NPSR1: variants seen among roughly 807,000 people sequenced by gnomAD.
The protein encoded by NPSR1 is neuropeptide S receptor.
NPSR1 carries 48 observed loss-of-function variants against 46.9 expected under a neutral mutation model. The observed-to-expected ratio is 1.02, with a 90% CI of 0.81 to 1.30. NPSR1 has a LOEUF of 1.30. NPSR1 is among the 50% of genes most tolerant of loss of function. The pLI, the probability that NPSR1 is intolerant of heterozygous loss-of-function variation, is 0.00. For missense variants in NPSR1, 450 were observed against 449.5 expected (o/e 1.00, Z -0.01); for synonymous variants, 176 against 168.1 (o/e 1.05, Z -0.36).
At chr7:34,693,809 G>A (rs1168551912) in intron 2 of NPSR1, among the ~76,000 whole-genome samples, 1 of 152,128 alleles carries the variant, frequency 6.6e-6, no homozygotes, top group Non-Finnish European at 1.5e-5. Flanking sequence ...TCACAATCAA[G>A]TGAGTTTTAT....
chr7:34,878,015 T>C (rs189659384), intron 8 of NPSR1: 3 of 942,374 alleles, frequency 3.2e-6, no homozygotes, highest in African/African-American at 3.3e-5. Context: ...ATTCCTTCCT[T>C]TTATGCAAAT....
intron 6 of NPSR1, among the ~76,000 whole-genome samples, chr7:34,834,918 G>T (rs1411471837): frequency 6.6e-6 from 1 of 152,230 alleles, no homozygotes. Context: ...GCCAGTAAAG[G>T]CACGGTAGTC....
Position 34,812,811 on chromosome 7 carries a change from G to T in NPSR1, c.478+948G>T, listed in dbSNP as rs144039673. 4.1e-4 allele frequency among the ~76,000 whole-genome samples: 63 copies of T among 152,242 alleles called. No individual in the cohort carries two copies. In the East Asian group the frequency reaches 0.011, roughly 28 times the overall value. On this transcript the variant is annotated intron_variant, in intron 4 of 8. Coordinates refer to ENST00000360581, the MANE Select transcript of NPSR1 (RefSeq NM_207172.2). ...AACAAAAAATCTTGACCACAAAAAT[G>T]AGTGCAATCAAATATTATTTAAAAA...
intron 8 of NPSR1, 70 bp from the exon 9 acceptor site, chr7:34,849,495 T>C: frequency 1.2e-6 from 2 of 1,604,706 alleles, no homozygotes; most frequent in Middle Eastern, 1.7e-4. Context: ...CTATTGTCTC[T>C]TAACATGTCT....
At chr7:34,815,007 TCTC>T (rs1275442186) in intron 4 of NPSR1, among the ~76,000 whole-genome samples, 2 of 152,066 alleles carry the variant, frequency 1.3e-5, no homozygotes. Flanking sequence ...GAGCGCCTCT[TCTC>T]CTCCAAAGGA....
At chr7:34,759,495 T>C (rs1786048998) in intron 2 of NPSR1, among the ~76,000 whole-genome samples, 1 of 152,176 alleles carries the variant, frequency 6.6e-6, no homozygotes, top group African/African-American at 2.4e-5. Flanking sequence ...GTGTTTCTGT[T>C]GACATGTTTC....
chr7:34,702,624 G>A (rs778074453), intron 2 of NPSR1, among the ~76,000 whole-genome samples: 1 of 152,226 alleles, frequency 6.6e-6, no homozygotes, highest in Non-Finnish European at 1.5e-5. Context: ...ATAGGCTGCA[G>A]TGATCCATTG....
intron 2 of NPSR1, among the ~76,000 whole-genome samples, chr7:34,716,543 A>C (rs1783579680): frequency 6.6e-6 from 1 of 152,200 alleles, no homozygotes; most frequent in African/African-American, 2.4e-5. Context: ...TGTCAAATAG[A>C]GATAAAAGCA....
At chr7:34,790,839 A>ATATATATGTTATATGTTATGT (rs1562729614) in intron 3 of NPSR1, among the ~76,000 whole-genome samples, 7 of 125,922 alleles carry the variant, frequency 5.6e-5, no homozygotes, top group African/African-American at 2.0e-4. Flanking sequence ...ATGTTATGTT[A>ATATATATGTTATATGTTATGT]TATATATGTT....
downstream of NPSR1, among the ~76,000 whole-genome samples, chr7:34,853,383 G>A (rs767633523): frequency 4.6e-5 from 7 of 152,178 alleles, no homozygotes; most frequent in Non-Finnish European, 8.8e-5. Flanking sequence ...ATCGACTAGT[G>A]TCCCCTGAAG....
At chr7:34,839,000 T>C (rs1790477231) in intron 6 of NPSR1, among the ~76,000 whole-genome samples, 1 of 152,196 alleles carries the variant, frequency 6.6e-6, no homozygotes, top group Non-Finnish European at 1.5e-5. Flanking sequence ...AAATGAGGCA[T>C]ACTAGAGTGA....
intron 2 of NPSR1, among the ~76,000 whole-genome samples, chr7:34,713,895 T>C (rs2128703650): frequency 6.6e-6 from 1 of 152,370 alleles, no homozygotes; most frequent in East Asian, 1.9e-4. Flanking sequence ...GGGAACATCA[T>C]TCACATGAAC....
chr7:34,844,436 GTTTT>G (rs1213358904), intron 6 of NPSR1, among the ~76,000 whole-genome samples: 2 of 151,580 alleles, frequency 1.3e-5, no homozygotes, highest in Non-Finnish European at 2.9e-5. Flanking sequence ...TCTTGAGAGC[GTTTT>G]TTTGTTTTTG....
intron 2 of NPSR1, among the ~76,000 whole-genome samples, chr7:34,743,496 A>G (rs1438476614): frequency 1.3e-5 from 2 of 150,642 alleles, no homozygotes; most frequent in East Asian, 1.9e-4. Flanking sequence ...GCTGGCGTGC[A>G]GTGGCATGAT....
At position 34,803,050 on chromosome 7, in the gene NPSR1, T is replaced by G. The variant is rs1788499486; in HGVS notation, c.385-8720T>G. ...TCACACCAGTTAGAATGGCAATCAT[T>G]AAAAAGTCAGGAAACAACAGGTGCT... On this transcript the variant is annotated intron_variant, in intron 3 of 8. Transcript: ENST00000360581. Among the ~76,000 whole-genome samples, 2 of 149,798 alleles carry G rather than the reference T, an allele frequency of 1.3e-5. 1 individual carries two copies. The highest frequency in any genetic ancestry group is 5.1e-5 in the African/African-American group (2 of 39,328).
intron 3 of NPSR1, among the ~76,000 whole-genome samples, chr7:34,810,921 G>A (rs1353102818): frequency 6.6e-6 from 1 of 152,290 alleles, no homozygotes; most frequent in East Asian, 1.9e-4. Flanking sequence ...CACAGGACAT[G>A]GGACAGGGGT....
chr7:34,739,289 A>G (rs1033000696), intron 2 of NPSR1, among the ~76,000 whole-genome samples: 2 of 152,206 alleles, frequency 1.3e-5, no homozygotes, highest in Admixed American at 1.3e-4. Flanking sequence ...TGATAATTCT[A>G]TGTTTAACTT....
chr7:34,686,716 A>T (rs897810559), intron 2 of NPSR1, among the ~76,000 whole-genome samples: 33 of 152,104 alleles, frequency 2.2e-4, no homozygotes, highest in African/African-American at 7.7e-4. Context: ...GCTGTCCCTA[A>T]CGAGGCACTC....
At chr7:34,750,882 TG>T in intron 2 of NPSR1, 1 of 709,020 alleles carries the variant, frequency 1.4e-6, no homozygotes, top group African/African-American at 1.7e-5. Flanking sequence ...GGAGAAGAAC[TG>T]CTTCATAATG....
Sources: allele counts gnomAD v4.1 joint callset (sites outside exome capture counted in the v4.1 genomes callset), GRCh38; gene constraint gnomAD v4.1.1; transcripts MANE v1.5; gene names NCBI Gene and HGNC (gene_info 2026-07-23, HGNC 2026-07-21).